Variants in ZNF592 observed in about 807,000 individuals in gnomAD.
The protein encoded by ZNF592 is spinocerebellar ataxia, autosomal recessive 5.
A neutral mutation model predicts 80.3 loss-of-function variants in ZNF592; 11 were observed. The ratio of observed to expected loss-of-function variants is 0.14; its 90% confidence interval spans 0.09 to 0.23. The LOEUF (loss-of-function observed/expected upper bound fraction) is 0.23, where lower values mean the gene tolerates loss of function less well. ZNF592 is among the 10% of genes least tolerant of loss of function. The probability of loss-of-function intolerance (pLI) is 1.00; values close to 1 mark genes in which losing one functional copy is unlikely to be tolerated. For missense variants in ZNF592, 1,420 were observed against 1,633.9 expected, an observed-to-expected ratio of 0.87 and a Z score of 2.26; for synonymous variants, 646 against 640.3, an observed-to-expected ratio of 1.01 and a Z score of -0.13.
chr15:84,765,826 G>A (rs888249948), intron 2 of ZNF592, among the ~76,000 whole-genome samples: 2 of 151,874 alleles, frequency 1.3e-5, no homozygotes, highest in East Asian at 1.9e-4. Context: ...ATGAGCCACC[G>A]CACCCAGACT....
At chr15:84,782,108 A>G (rs1962437117) in intron 3 of ZNF592, among the ~76,000 whole-genome samples, 1 of 152,194 alleles carries the variant, frequency 6.6e-6, no homozygotes, top group Non-Finnish European at 1.5e-5. Flanking sequence ...GGGATGATAT[A>G]ATTTTCTAGA....
intron 5 of ZNF592, among the ~76,000 whole-genome samples, chr15:84,796,235 A>AT (rs1186057616): frequency 1.0e-4 from 3 of 29,666 alleles, no homozygotes; most frequent in African/African-American, 6.8e-4. Context: ...AAAAAAAAAA[A>AT]AAAAATATAT....
rs1899493330 is a variant in ZNF592 at position 84,765,638 on chromosome 15, A to C, written c.-150+823A>C. On this transcript the variant is annotated intron_variant, in intron 2 of 10. Transcript: ENST00000560079. Reference sequence around the variant, plus strand: ...ACTGAAACCTCCACCTCCCGGGTTCATGCCATTCTCCTGCCTCAGCCTCCT... The same window carrying C: ...ACTGAAACCTCCACCTCCCGGGTTCCTGCCATTCTCCTGCCTCAGCCTCCT... 2.8e-5 allele frequency among the ~76,000 whole-genome samples: 4 copies of C among 142,468 alleles called. No individual in the cohort carries two copies. The Admixed American group carries it at 3.1e-4, about 11-fold the overall frequency. The allele number at this position is 142,468 out of a possible 152,430, so 93.5% of individuals were successfully genotyped here. A position where few individuals can be genotyped will look rare whatever the true frequency, so the allele number is the denominator to read the frequency against.
intron 2 of ZNF592, among the ~76,000 whole-genome samples, chr15:84,775,101 C>CT (rs990909738): frequency 4.0e-5 from 6 of 149,984 alleles, no homozygotes; most frequent in South Asian, 4.2e-4. Context: ...TTTTCTTTTT[C>CT]TTTTTTTTTC....
At chr15:84,782,578 T>G in intron 3 of ZNF592, 79 bp from the exon 4 acceptor site, 3 of 1,307,128 alleles carry the variant, frequency 2.3e-6, no homozygotes, top group Non-Finnish European at 3.3e-6. Flanking sequence ...TGTGTGTGCA[T>G]TAGTTTGATG....
At chr15:84,786,148 G>C (rs1275829389) in intron 4 of ZNF592, among the ~76,000 whole-genome samples, 1 of 152,154 alleles carries the variant, frequency 6.6e-6, no homozygotes, top group African/African-American at 2.4e-5. Flanking sequence ...TGCATGGGCT[G>C]GGGGTCTATG....
At chr15:84,768,672 G>A (rs1250273664) in intron 2 of ZNF592, among the ~76,000 whole-genome samples, 1 of 151,962 alleles carries the variant, frequency 6.6e-6, no homozygotes, top group Non-Finnish European at 1.5e-5. Flanking sequence ...ATGGGACATC[G>A]GCCAATAGGC....
chr15:84,775,315 C>T lies in ZNF592; in HGVS notation c.-149-2868C>T, dbSNP rs1247329113. Among the ~76,000 whole-genome samples the T allele has an allele frequency of 2.6e-5, 4 of 151,906 alleles. No homozygotes were observed. In the South Asian group the frequency reaches 6.2e-4, roughly 24 times the overall value. ...TTCACTGTGTTGGCCAGGCTAGTGT[C>T]GAACTCCTGACCTCAAGCGATCTGC... is the stretch of plus-strand genomic sequence containing the variant. On this transcript the variant is annotated intron_variant, in intron 2 of 10. Transcript: ENST00000560079.
intron 2 of ZNF592, among the ~76,000 whole-genome samples, chr15:84,774,090 G>C (rs1442912815): frequency 6.6e-6 from 1 of 152,200 alleles, no homozygotes. Flanking sequence ...AATTGGTATT[G>C]CTTTTCCCTG....
intron 2 of ZNF592, among the ~76,000 whole-genome samples, chr15:84,765,160 A>G (rs1899471168): frequency 6.6e-6 from 1 of 152,220 alleles, no homozygotes; most frequent in Non-Finnish European, 1.5e-5. Flanking sequence ...TGTAAGTGGA[A>G]TCATTCAGTA....
intron 2 of ZNF592, among the ~76,000 whole-genome samples, chr15:84,777,562 C>T (rs1962293570): frequency 6.6e-6 from 1 of 151,692 alleles, no homozygotes; most frequent in Non-Finnish European, 1.5e-5. Context: ...GTCATCCCAC[C>T]TTGTGGGAAA....
chr15:84,757,354 T>G (rs1297354213), intron 1 of ZNF592, among the ~76,000 whole-genome samples: 1 of 148,294 alleles, frequency 6.7e-6, no homozygotes, highest in Non-Finnish European at 1.5e-5. Context: ...TTTTTTTTTT[T>G]TGAGAGATAG....
chr15:84,795,684 T>C (rs1178669602), intron 5 of ZNF592, among the ~76,000 whole-genome samples: 1 of 152,240 alleles, frequency 6.6e-6, no homozygotes, highest in Non-Finnish European at 1.5e-5. Flanking sequence ...TACTTCTGTG[T>C]GCTAGAAGTT....
intron 4 of ZNF592, among the ~76,000 whole-genome samples, chr15:84,787,658 G>T (rs117955738): frequency 6.6e-6 from 1 of 152,156 alleles, no homozygotes; most frequent in Non-Finnish European, 1.5e-5. Context: ...TCCAAGCCAC[G>T]CTGTTGGGGC....
chr15:84,766,415 G>T (rs567174109), intron 2 of ZNF592, among the ~76,000 whole-genome samples: 51 of 152,272 alleles, frequency 3.3e-4, no homozygotes, highest in African/African-American at 1.1e-3. Flanking sequence ...CTGGATATTG[G>T]ATCCGTTGCC....
intron 1 of ZNF592, 25 bp downstream of exon 1, chr15:84,748,689 C>G (rs1057056454): frequency 2.7e-5 from 4 of 147,542 alleles, no homozygotes; most frequent in Non-Finnish European, 4.5e-5. Context: ...CGGGCCGGGC[C>G]GAGCGGGGCC....
At chr15:84,763,668 A>C (rs1899416285) in intron 1 of ZNF592, among the ~76,000 whole-genome samples, 1 of 152,184 alleles carries the variant, frequency 6.6e-6, no homozygotes, top group Non-Finnish European at 1.5e-5. Context: ...TCCCTTCTAC[A>C]TTTTTACATT....
At chr15:84,776,933 T>C (rs1219794223) in intron 2 of ZNF592, among the ~76,000 whole-genome samples, 4 of 151,586 alleles carry the variant, frequency 2.6e-5, no homozygotes, top group Admixed American at 6.6e-5. Flanking sequence ...GTGCCTATAA[T>C]CCCAGCTACT....
At chr15:84,771,265 A>G (rs908220719) in intron 2 of ZNF592, among the ~76,000 whole-genome samples, 170 of 152,226 alleles carry the variant, frequency 1.1e-3, no homozygotes, top group African/African-American at 4.1e-3. Context: ...GTGTCAGGAG[A>G]AAAGTGGAGC....
Sources: allele counts gnomAD v4.1 joint callset (sites outside exome capture counted in the v4.1 genomes callset), GRCh38; gene constraint gnomAD v4.1.1; transcripts MANE v1.5; gene names NCBI Gene and HGNC (gene_info 2026-07-23, HGNC 2026-07-21).